Variants in FAM193A observed in about 807,000 individuals in gnomAD.
FAM193A encodes protein FAM193A.
Under a neutral mutation model 126.5 loss-of-function variants are expected in FAM193A, and 22 were observed. The observed-to-expected ratio is 0.17, with a 90% CI of 0.12 to 0.25. FAM193A has a LOEUF of 0.25. FAM193A is among the 10% of genes least tolerant of loss of function. The pLI, the probability that FAM193A is intolerant of heterozygous loss-of-function variation, is 1.00. For missense variants in FAM193A, 1,675 were observed against 1,672.8 expected (o/e 1.00, Z -0.02); for synonymous variants, 761 against 646.8 (o/e 1.18, Z -2.68).
intron 1 of FAM193A, among the ~76,000 whole-genome samples, chr4:2,583,830 A>T (rs985272297): frequency 3.9e-5 from 6 of 152,210 alleles, no homozygotes; most frequent in South Asian, 4.1e-4. Flanking sequence ...GCTCTCCAGC[A>T]GGTTCAGAAA....
chr4:2,558,741 C>G (rs1418859389), intron 1 of FAM193A, among the ~76,000 whole-genome samples: 1 of 152,178 alleles, frequency 6.6e-6, no homozygotes, highest in Non-Finnish European at 1.5e-5. Flanking sequence ...TGGCTCACGC[C>G]TGTAATCCCA....
intron 1 of FAM193A, among the ~76,000 whole-genome samples, chr4:2,547,538 C>G (rs1306038669): frequency 6.6e-6 from 1 of 151,996 alleles, no homozygotes; most frequent in Non-Finnish European, 1.5e-5. Flanking sequence ...GCGTGAGCCA[C>G]CGCACCCAGC....
At chr4:2,573,761 C>T (rs1239148436) in intron 1 of FAM193A, among the ~76,000 whole-genome samples, 2 of 152,116 alleles carry the variant, frequency 1.3e-5, no homozygotes, top group Admixed American at 1.3e-4. Flanking sequence ...ATGGACAAAG[C>T]CTGTCCCGTG....
At chr4:2,623,859 A>G (rs1418154006) in intron 2 of FAM193A, among the ~76,000 whole-genome samples, 1 of 152,030 alleles carries the variant, frequency 6.6e-6, no homozygotes, top group East Asian at 1.9e-4. Context: ...CTCTCTTGTG[A>G]CTGTATTTCT....
At chr4:2,581,085 C>CAT (rs1739899295) in intron 1 of FAM193A, among the ~76,000 whole-genome samples, 1 of 151,318 alleles carries the variant, frequency 6.6e-6, no homozygotes, top group Non-Finnish European at 1.5e-5. Flanking sequence ...GCTGAGATTG[C>CAT]GCCACTGCAC....
chr4:2,633,606 A>G (rs1036407586), intron 5 of FAM193A, among the ~76,000 whole-genome samples: 1 of 151,730 alleles, frequency 6.6e-6, no homozygotes, highest in Non-Finnish European at 1.5e-5. Flanking sequence ...ATAATAAAAA[A>G]ATAAGCCAGG....
intron 2 of FAM193A, among the ~76,000 whole-genome samples, chr4:2,622,249 C>T (rs1742590070): frequency 7.9e-6 from 1 of 127,000 alleles, no homozygotes; most frequent in African/African-American, 3.5e-5. Context: ...AGAGCGAGAC[C>T]CTGTCTCCAA....
chr4:2,617,240 T>TTATATATATATATA (rs1553895142), intron 2 of FAM193A, among the ~76,000 whole-genome samples: 1 of 35,246 alleles, frequency 2.8e-5, no homozygotes, highest in Non-Finnish European at 4.4e-5. Context: ...TATGTTTTTA[T>TTATATATATATATA]TATATATATA....
intron 2 of FAM193A, among the ~76,000 whole-genome samples, chr4:2,624,852 C>T (rs961592236): frequency 2.0e-5 from 3 of 152,118 alleles, no homozygotes; most frequent in Non-Finnish European, 4.4e-5. Flanking sequence ...GAATTGTTTC[C>T]TTTTTGTATG....
chr4:2,607,488 T>A (rs1741614739), intron 2 of FAM193A, among the ~76,000 whole-genome samples: 1 of 152,234 alleles, frequency 6.6e-6, no homozygotes, highest in Non-Finnish European at 1.5e-5. Flanking sequence ...AAATCCTATT[T>A]TGCTAGCCAT....
At chr4:2,558,401 G>GT (rs1738396747) in intron 1 of FAM193A, among the ~76,000 whole-genome samples, 1 of 152,130 alleles carries the variant, frequency 6.6e-6, no homozygotes, top group Non-Finnish European at 1.5e-5. Context: ...CGAGTTACTA[G>GT]TTAGAGTACA....
intron 2 of FAM193A, among the ~76,000 whole-genome samples, chr4:2,605,271 C>A (rs938791099): frequency 6.6e-6 from 1 of 152,206 alleles, no homozygotes; most frequent in Non-Finnish European, 1.5e-5. Context: ...GCAGCAAGTT[C>A]ACACTTGCCG....
intron 1 of FAM193A, among the ~76,000 whole-genome samples, chr4:2,579,129 G>A (rs1443611704): frequency 1.3e-5 from 2 of 151,918 alleles, no homozygotes; most frequent in African/African-American, 4.8e-5. Flanking sequence ...CAAAGTGCTG[G>A]GATTACAAGT....
intron 10 of FAM193A, among the ~76,000 whole-genome samples, chr4:2,662,134 G>C (rs1712531211): frequency 6.6e-6 from 1 of 152,132 alleles, no homozygotes; most frequent in Admixed American, 6.5e-5. Flanking sequence ...AGTGAGCCGA[G>C]ATTGTGCCAC....
intron 13 of FAM193A, among the ~76,000 whole-genome samples, chr4:2,682,403 G>C (rs1428637919): frequency 1.3e-5 from 2 of 152,098 alleles, no homozygotes. Flanking sequence ...GCCTCAAGCA[G>C]TCCTCCCACC....
At chr4:2,579,541 T>TA (rs1312467238) in intron 1 of FAM193A, among the ~76,000 whole-genome samples, 5 of 151,732 alleles carry the variant, frequency 3.3e-5, no homozygotes, top group Non-Finnish European at 5.9e-5. Flanking sequence ...CTACAAAAAA[T>TA]AAAAAATATT....
At chr4:2,628,676 A>G (rs1743216890) in intron 4 of FAM193A, among the ~76,000 whole-genome samples, 1 of 152,168 alleles carries the variant, frequency 6.6e-6, no homozygotes, top group African/African-American at 2.4e-5. Context: ...CCTAGTGAGT[A>G]TTAGGAAAAA....
chr4:2,698,237 C>T (rs1469009438), intron 18 of FAM193A, among the ~76,000 whole-genome samples: 1 of 152,238 alleles, frequency 6.6e-6, no homozygotes, highest in Non-Finnish European at 1.5e-5. Context: ...GAGACCAGGG[C>T]ACCTGCCTTT....
At chr4:2,645,836 C>T (rs1745083659) in intron 6 of FAM193A, among the ~76,000 whole-genome samples, 1 of 152,116 alleles carries the variant, frequency 6.6e-6, no homozygotes, top group Non-Finnish European at 1.5e-5. Flanking sequence ...CGCCGTCTTT[C>T]TTAATACAAT....
Sources: allele counts gnomAD v4.1 joint callset (sites outside exome capture counted in the v4.1 genomes callset), GRCh38; gene constraint gnomAD v4.1.1; transcripts MANE v1.5; gene names NCBI Gene and HGNC (gene_info 2026-07-23, HGNC 2026-07-21).